The following UNC5C variants were observed in gnomAD, a reference collection of about 807,000 sequenced individuals.
UNC5C encodes unc-5 netrin receptor C, also known as netrin receptor UNC5C.
In UNC5C, 47 loss-of-function variants were observed where a neutral mutation model predicts 99.8. That is an observed-to-expected ratio of 0.47 (90% confidence interval 0.37 to 0.60). UNC5C has a LOEUF of 0.60. Among genes scored for constraint, UNC5C ranks in the 20% least tolerant of loss-of-function variants. The pLI, the probability that UNC5C is intolerant of heterozygous loss-of-function variation, is 0.00. For synonymous variants in UNC5C, 487 were observed against 452.2 expected, an observed-to-expected ratio of 1.08 and a Z score of -0.98; for missense variants, 1,062 against 1,165.9, an observed-to-expected ratio of 0.91 and a Z score of 1.30.
At chr4:95,497,313 T>C (rs1037055361) in intron 1 of UNC5C, among the ~76,000 whole-genome samples, 1 of 152,002 alleles carries the variant, frequency 6.6e-6, no homozygotes, top group East Asian at 1.9e-4. Flanking sequence ...TGTCTGCTTT[T>C]AACCACAGCT....
At chr4:95,453,883 CA>C (rs1390582627) in intron 1 of UNC5C, among the ~76,000 whole-genome samples, 5 of 152,048 alleles carry the variant, frequency 3.3e-5, no homozygotes, top group Admixed American at 6.6e-5. Flanking sequence ...AAAAATGAGG[CA>C]TACAATCAAT....
At chr4:95,231,778 A>G (rs1738920675) in intron 7 of UNC5C, among the ~76,000 whole-genome samples, 2 of 152,190 alleles carry the variant, frequency 1.3e-5, no homozygotes, top group Non-Finnish European at 2.9e-5. Context: ...CAGGTCTGTC[A>G]AAGACACCCA....
chr4:95,421,226 C>G (rs187224266), intron 1 of UNC5C, among the ~76,000 whole-genome samples: 2 of 152,228 alleles, frequency 1.3e-5, no homozygotes, highest in Admixed American at 1.3e-4. Context: ...ACTCTAGTTC[C>G]TCTAAAAGTT....
intron 2 of UNC5C, among the ~76,000 whole-genome samples, chr4:95,327,301 A>G (rs1742924306): frequency 6.6e-6 from 1 of 152,120 alleles, no homozygotes; most frequent in South Asian, 2.1e-4. Flanking sequence ...TTCTCCACCA[A>G]TATTTGTCCA....
Position 95,168,461 on chromosome 4 carries a change from T to G in UNC5C, c.*773A>C, listed in dbSNP as rs1273213482. 2.0e-5 allele frequency: 3 copies of G among 152,632 alleles called. No homozygotes were observed. Among genetic ancestry groups the G allele is most frequent in the Admixed American group, 6.5e-5 (1 of 15,282 alleles). The allele number at this position is 152,632 out of a possible 1,614,324, so 9.5% of individuals were successfully genotyped here. ...ACCTTTAAAAAAAAACACTTCATAT[T>G]GCATATTACAAACAAACACACATGT... On this transcript the variant is annotated 3_prime_UTR_variant, in exon 16 of 16. Transcript: ENST00000453304.
intron 3 of UNC5C, among the ~76,000 whole-genome samples, chr4:95,281,126 G>T (rs1741043174): frequency 6.6e-6 from 1 of 152,070 alleles, no homozygotes; most frequent in South Asian, 2.1e-4. Flanking sequence ...ATGTGGGGTT[G>T]GGCAAAGACA....
At chr4:95,336,229 A>G (rs193145085) in intron 1 of UNC5C, among the ~76,000 whole-genome samples, 3 of 152,042 alleles carry the variant, frequency 2.0e-5, no homozygotes, top group Admixed American at 2.0e-4. Flanking sequence ...TTAAACCTGG[A>G]TTCTGCATGA....
chr4:95,292,627 G>A (rs1009036396), intron 3 of UNC5C, among the ~76,000 whole-genome samples: 15 of 152,196 alleles, frequency 9.9e-5, no homozygotes, highest in African/African-American at 2.9e-4. Context: ...AATGTATGAT[G>A]GTTTAGAAGG....
At chr4:95,292,749 C>A (rs1367332901) in intron 3 of UNC5C, among the ~76,000 whole-genome samples, 3 of 152,152 alleles carry the variant, frequency 2.0e-5, no homozygotes, top group Non-Finnish European at 4.4e-5. Flanking sequence ...ATTAAATGAA[C>A]AAATGATTCA....
In UNC5C at chr4:95,511,275, G is replaced by T. The variant is rs1330825390; in HGVS notation, c.124+37459C>A. Among the ~76,000 whole-genome samples, 6 of 141,786 alleles carry T rather than the reference G, an allele frequency of 4.2e-5. No individual in the cohort carries two copies. The East Asian group carries it at 1.2e-3, about 29-fold the overall frequency. The allele number at this position is 141,786 out of a possible 152,430, so 93.0% of individuals were successfully genotyped here. On this transcript the variant is annotated intron_variant, in intron 1 of 15. Coordinates refer to ENST00000453304, the MANE Select transcript of UNC5C (RefSeq NM_003728.4). Reference sequence around the variant, plus strand: ...GCATATTTTTAATTGTATTTGTCGGGGGGTTCTTTAACAAAAGATTGCTTT... The same window carrying T: ...GCATATTTTTAATTGTATTTGTCGGTGGGTTCTTTAACAAAAGATTGCTTT...
chr4:95,322,133 A>G (rs962575168), intron 2 of UNC5C, among the ~76,000 whole-genome samples: 3 of 152,230 alleles, frequency 2.0e-5, no homozygotes, highest in African/African-American at 4.8e-5. Context: ...TTCAAATTTT[A>G]TGCATCATTT....
intron 1 of UNC5C, among the ~76,000 whole-genome samples, chr4:95,492,982 C>T (rs1271485177): frequency 6.6e-6 from 1 of 151,384 alleles, no homozygotes; most frequent in African/African-American, 2.4e-5. Context: ...CTGATTCAGA[C>T]TACCCTTTTA....
At chr4:95,533,182 G>C (rs1722696744) in intron 1 of UNC5C, among the ~76,000 whole-genome samples, 1 of 152,102 alleles carries the variant, frequency 6.6e-6, no homozygotes, top group Admixed American at 6.6e-5. Context: ...TGGATCACGA[G>C]ATCAGCAGTT....
chr4:95,420,336 T>C (rs530986173), intron 1 of UNC5C, among the ~76,000 whole-genome samples: 1 of 152,172 alleles, frequency 6.6e-6, no homozygotes, highest in African/African-American at 2.4e-5. Flanking sequence ...AGCAATTTCA[T>C]TGAGAATGCT....
chr4:95,163,571 T>G lies in UNC5C; in HGVS notation c.*5663A>C, dbSNP rs1009353726. ...CTGATAGTACTTAGTCCAGTAGACC[T>G]TTGGAACTTAAAAATGACACACAAT... is the stretch of plus-strand genomic sequence containing the variant. On this transcript the variant is annotated 3_prime_UTR_variant, in exon 16 of 16. Transcript: ENST00000453304. The G allele has an allele frequency of 1.6e-4, 25 of 152,288 alleles. No homozygotes were observed. The highest frequency in any genetic ancestry group is 4.6e-4 in the African/African-American group (19 of 41,546). The allele number at this position is 152,288 out of a possible 1,614,324, so 9.4% of individuals were successfully genotyped here.
intron 14 of UNC5C, among the ~76,000 whole-genome samples, chr4:95,173,884 G>A (rs1339393159): frequency 1.3e-5 from 2 of 151,602 alleles, no homozygotes; most frequent in African/African-American, 2.4e-5. Flanking sequence ...ACTCTTTTTG[G>A]TTGGTAAGCT....
intron 1 of UNC5C, among the ~76,000 whole-genome samples, chr4:95,502,504 T>G (rs1721800617): frequency 6.6e-6 from 1 of 152,116 alleles, no homozygotes; most frequent in African/African-American, 2.4e-5. Context: ...AACTCCTGGC[T>G]TCAAGCCGGC....
chr4:95,426,544 G>T (rs1746491566), intron 1 of UNC5C, among the ~76,000 whole-genome samples: 1 of 152,212 alleles, frequency 6.6e-6, no homozygotes, highest in South Asian at 2.1e-4. Flanking sequence ...ATTCAAGAGA[G>T]GCTGAAAGCT....
intron 12 of UNC5C, among the ~76,000 whole-genome samples, chr4:95,197,130 G>T: frequency 7.8e-6 from 1 of 128,694 alleles, no homozygotes; most frequent in African/African-American, 3.1e-5. Context: ...ATATCTATAG[G>T]ATATATACTT....
Sources: allele counts gnomAD v4.1 joint callset (sites outside exome capture counted in the v4.1 genomes callset), GRCh38; gene constraint gnomAD v4.1.1; transcripts MANE v1.5; gene names NCBI Gene and HGNC (gene_info 2026-07-23, HGNC 2026-07-21).